FOXN3: variants seen among roughly 807,000 people sequenced by gnomAD.
The protein encoded by FOXN3 is forkhead box N3, also known as forkhead box protein N3.
In FOXN3, 7 loss-of-function variants were observed where a neutral mutation model predicts 38.4. The observed-to-expected ratio is 0.18, with a 90% CI of 0.10 to 0.34. FOXN3 has a LOEUF of 0.34. Ranked by LOEUF, FOXN3 falls within the 10% of genes least tolerant of loss-of-function variation. The pLI, the probability that FOXN3 is intolerant of heterozygous loss-of-function variation, is 1.00. For missense variants in FOXN3, 456 were observed against 613.4 expected (o/e 0.74, Z 2.71); for synonymous variants, 230 against 242.2 (o/e 0.95, Z 0.47).
At chr14:89,183,741 AG>A (rs1887732908) in intron 4 of FOXN3, among the ~76,000 whole-genome samples, 1 of 152,196 alleles carries the variant, frequency 6.6e-6, no homozygotes, top group African/African-American at 2.4e-5. Context: ...AGCAGAAATG[AG>A]ATGTGTTTGG....
intron 4 of FOXN3, among the ~76,000 whole-genome samples, chr14:89,192,763 A>G (rs1005783715): frequency 6.8e-6 from 1 of 146,728 alleles, no homozygotes; most frequent in African/African-American, 2.5e-5. Flanking sequence ...ATAATAGTTT[A>G]TATATTATTA....
At chr14:89,408,883 C>G (rs757780277) in intron 2 of FOXN3, among the ~76,000 whole-genome samples, 4 of 152,092 alleles carry the variant, frequency 2.6e-5, no homozygotes, top group Non-Finnish European at 5.9e-5. Context: ...AATAAAATCT[C>G]ATAGGAAAAA....
intron 4 of FOXN3, among the ~76,000 whole-genome samples, chr14:89,270,393 C>A (rs540504259): frequency 3.4e-4 from 52 of 152,344 alleles, no homozygotes; most frequent in Admixed American, 2.8e-3. Flanking sequence ...GAAATGCTAT[C>A]ATAAGCATCA....
intron 1 of FOXN3, among the ~76,000 whole-genome samples, chr14:89,502,018 A>G (rs1893811950): frequency 6.6e-6 from 1 of 151,898 alleles, no homozygotes; most frequent in African/African-American, 2.4e-5. Flanking sequence ...ATTAAAAAAA[A>G]TTAGCCAGAC....
chr14:89,507,058 C>T (rs1893955798), intron 1 of FOXN3, among the ~76,000 whole-genome samples: 1 of 151,806 alleles, frequency 6.6e-6, no homozygotes, highest in South Asian at 2.1e-4. Context: ...GCTGACCTTC[C>T]CTCCACTATT....
intron 2 of FOXN3, among the ~76,000 whole-genome samples, chr14:89,378,809 T>A (rs565300375): frequency 1.3e-5 from 2 of 151,014 alleles, no homozygotes; most frequent in Admixed American, 1.3e-4. Flanking sequence ...CAGGTTCAAG[T>A]GATTCTCCTG....
intron 1 of FOXN3, among the ~76,000 whole-genome samples, chr14:89,575,726 C>T (rs956260766): frequency 6.6e-5 from 10 of 152,300 alleles, no homozygotes; most frequent in African/African-American, 2.4e-4. Context: ...TCAGAGGATA[C>T]CGATGGTCTC....
Position 89,522,019 on chromosome 14 carries a change from C to CAAA in FOXN3, c.-15+97006_-15+97008dup, listed in dbSNP as rs34340241. Among the ~76,000 whole-genome samples the CAAA allele has an allele frequency of 4.4e-5, 6 of 137,468 alleles. No homozygotes were observed. In the South Asian group the frequency reaches 6.8e-4, roughly 16 times the overall value. 90.2% of individuals were successfully genotyped at this position (137,468 alleles called of 152,430 possible). The stretch of plus-strand genomic sequence containing the variant: ...TGGATGACAGAATGAGACCCTGTCT[C>CAAA]AAAAAAAAAGAAAAAAGAAAGAAAA... On this transcript the variant is annotated intron_variant, in intron 1 of 6. Coordinates refer to the FOXN3 transcript ENST00000345097.
rs542795772 is a variant in FOXN3 at position 89,478,931 on chromosome 14, C to CAAAAAAAGAAAAA, written c.-14-66442_-14-66441insTTTTTCTTTTTTT. 2.4e-4 allele frequency among the ~76,000 whole-genome samples: 13 copies of CAAAAAAAGAAAAA among 54,198 alleles called. 2 individuals are homozygous for CAAAAAAAGAAAAA. The highest frequency in any genetic ancestry group is 8.0e-4 in the African/African-American group (13 of 16,210). 35.6% of individuals were successfully genotyped at this position (54,198 alleles called of 152,430 possible). A position where few individuals can be genotyped will look rare whatever the true frequency, so the allele number is the denominator to read the frequency against. On this transcript the variant is annotated intron_variant, in intron 1 of 6. Transcript: ENST00000345097. ...TGGGTGAGAGAGCGAGACTCCATCT[C>CAAAAAAAGAAAAA]AAAAAAAAAAAAAAAAAAATTACCA... is the stretch of plus-strand genomic sequence containing the variant.
intron 2 of FOXN3, among the ~76,000 whole-genome samples, chr14:89,370,382 G>A (rs1443025637): frequency 2.6e-5 from 4 of 152,216 alleles, no homozygotes; most frequent in African/African-American, 9.7e-5. Context: ...CTTCAAACCT[G>A]GGTCTTTGGG....
At chr14:89,280,163 C>A (rs1886416645) in intron 4 of FOXN3, among the ~76,000 whole-genome samples, 1 of 152,240 alleles carries the variant, frequency 6.6e-6, no homozygotes, top group Non-Finnish European at 1.5e-5. Context: ...GGGAACCACT[C>A]AATTCCATTT....
At chr14:89,379,970 T>G (rs1030240598) in intron 2 of FOXN3, among the ~76,000 whole-genome samples, 1 of 152,132 alleles carries the variant, frequency 6.6e-6, no homozygotes, top group African/African-American at 2.4e-5. Context: ...CAAGCTCAAT[T>G]CAAACGCAGA....
intron 2 of FOXN3, among the ~76,000 whole-genome samples, chr14:89,399,805 T>C (rs1891199032): frequency 6.6e-6 from 1 of 152,278 alleles, no homozygotes; most frequent in Non-Finnish European, 1.5e-5. Flanking sequence ...GCATCTAAAC[T>C]AGTTTGGTCA....
At chr14:89,385,455 T>C (rs1890765543) in intron 2 of FOXN3, among the ~76,000 whole-genome samples, 1 of 137,816 alleles carries the variant, frequency 7.3e-6, no homozygotes, top group African/African-American at 2.7e-5. Context: ...CTGAGGCAGA[T>C]GAGACCAATT....
Position 89,598,395 on chromosome 14 carries a change from C to T in FOXN3, c.-15+20633G>A, listed in dbSNP as rs902326316. 3.9e-5 allele frequency among the ~76,000 whole-genome samples: 6 copies of T among 152,240 alleles called. No individual in the cohort carries two copies. The East Asian group carries it at 1.2e-3, about 29-fold the overall frequency. ...CCTTCTGTCCCAAGGATACTCTTTA[C>T]TGAATACTTCCTTTAGTATAGATCT... On this transcript the variant is annotated intron_variant, in intron 1 of 6. Transcript: ENST00000345097.
At chr14:89,301,006 T>A (rs1887201631) in intron 3 of FOXN3, among the ~76,000 whole-genome samples, 2 of 152,012 alleles carry the variant, frequency 1.3e-5, no homozygotes, top group African/African-American at 2.4e-5. Flanking sequence ...TTTCACCATG[T>A]TGGCCAGGCT....
chr14:89,184,809 A>G (rs1887762172), intron 4 of FOXN3, among the ~76,000 whole-genome samples: 1 of 152,146 alleles, frequency 6.6e-6, no homozygotes, highest in Admixed American at 6.5e-5. Flanking sequence ...CGTCATCGTC[A>G]CCGTCATCCT....
intron 4 of FOXN3, among the ~76,000 whole-genome samples, chr14:89,241,824 A>G (rs891621272): frequency 6.6e-6 from 1 of 152,190 alleles, no homozygotes; most frequent in Non-Finnish European, 1.5e-5. Flanking sequence ...TCTCTCAAGA[A>G]AACAGAAAAT....
intron 1 of FOXN3, among the ~76,000 whole-genome samples, chr14:89,513,054 T>C (rs1283746109): frequency 6.7e-6 from 1 of 149,078 alleles, no homozygotes; most frequent in South Asian, 2.1e-4. Context: ...GCAGGAGAAT[T>C]GCTTGAACTC....
Sources: gnomAD v4.1 joint callset for allele counts (sites outside exome capture counted in the v4.1 genomes callset) on GRCh38, gnomAD v4.1.1 for gene constraint, MANE v1.5 for transcripts, NCBI Gene and HGNC (gene_info 2026-07-23, HGNC 2026-07-21) for gene names.